JAM3: variants seen among roughly 807,000 people sequenced by gnomAD.
JAM3 encodes junctional adhesion molecule 3.
In JAM3, 31 loss-of-function variants were observed where a neutral mutation model predicts 39.4. That is an observed-to-expected ratio of 0.79 (90% CI 0.59 to 1.06). JAM3 has a LOEUF of 1.06. JAM3 is among the 50% of genes least tolerant of loss of function. The pLI, the probability that JAM3 is intolerant of heterozygous loss-of-function variation, is 0.00. For synonymous variants in JAM3, 182 were observed against 148.7 expected (o/e 1.22, Z -1.63); for missense variants, 455 against 391.4 (o/e 1.16, Z -1.37).
At chr11:134,127,509 G>T (rs1453527727) in intron 1 of JAM3, among the ~76,000 whole-genome samples, 1 of 152,098 alleles carries the variant, frequency 6.6e-6, no homozygotes, top group Non-Finnish European at 1.5e-5. Context: ...GACCAGCCTG[G>T]CCAACATGGT....
chr11:134,092,246 G>T (rs564428141), intron 1 of JAM3, among the ~76,000 whole-genome samples: 2 of 152,224 alleles, frequency 1.3e-5, no homozygotes, highest in South Asian at 2.1e-4. Flanking sequence ...TGTGTGATGC[G>T]CTCTGCAGCC....
chr11:134,114,252 G>T (rs186613790), intron 1 of JAM3, among the ~76,000 whole-genome samples: 45 of 152,314 alleles, frequency 3.0e-4, no homozygotes, highest in Admixed American at 2.6e-3. Flanking sequence ...TGATGTTTTA[G>T]ACATGAAGTC....
chr11:134,149,721 T>C lies in JAM3; in HGVS notation c.*540T>C, dbSNP rs776597771. On this transcript the variant is annotated 3_prime_UTR_variant, in exon 9 of 9. Coordinates refer to ENST00000299106, the MANE Select transcript of JAM3 (RefSeq NM_032801.5). ...TGCTGATCGGTGTTGCAGTGTCCAT[T>C]GTGGAGAAGCTTTTTGGATCAGCAT... 2.2e-6 allele frequency: 1 copy of C among 450,264 alleles called. No homozygotes were observed. Among genetic ancestry groups the C allele is most frequent in the Non-Finnish European group, 4.4e-6 (1 of 224,940 alleles). 27.9% of individuals were successfully genotyped at this position (450,264 alleles called of 1,614,324 possible).
intron 1 of JAM3, among the ~76,000 whole-genome samples, chr11:134,124,969 T>A (rs567526638): frequency 9.1e-4 from 138 of 152,260 alleles, no homozygotes; most frequent in African/African-American, 3.0e-3. Flanking sequence ...TCTCCTCAGT[T>A]ACCTCTGCGG....
intron 1 of JAM3, among the ~76,000 whole-genome samples, chr11:134,127,121 G>T (rs1942663754): frequency 2.0e-5 from 3 of 152,174 alleles, no homozygotes; most frequent in Non-Finnish European, 4.4e-5. Flanking sequence ...AAGAAGAATT[G>T]TAGGCATCAG....
chr11:134,148,890 ACGGGTCT>A, intron 8 of JAM3, 72 bp downstream of exon 8: 1 of 1,492,714 alleles, frequency 6.7e-7, no homozygotes, highest in South Asian at 1.1e-5. Context: ...TGGAAACCAC[ACGGGTCT>A]CCTGGGAAGA....
chr11:134,147,022 C>G (rs1026450639), intron 6 of JAM3, among the ~76,000 whole-genome samples: 1 of 152,320 alleles, frequency 6.6e-6, no homozygotes, highest in Non-Finnish European at 1.5e-5. Flanking sequence ...GTGTGTGAGA[C>G]AAGCGTTCCG....
intron 1 of JAM3, among the ~76,000 whole-genome samples, chr11:134,094,602 T>C (rs575182164): frequency 6.6e-6 from 1 of 151,576 alleles, no homozygotes; most frequent in South Asian, 2.1e-4. Flanking sequence ...ACATGTCACT[T>C]CCTGAGGGAA....
Position 134,149,284 on chromosome 11 carries a change from C to A in JAM3, c.*103C>A. The A allele has an allele frequency of 1.4e-6, 2 of 1,389,822 alleles. No individual in the cohort carries two copies. Among genetic ancestry groups the A allele is most frequent in the Non-Finnish European group, 2.0e-6 (2 of 988,312 alleles). 86.1% of individuals were successfully genotyped at this position (1,389,822 alleles called of 1,614,324 possible). ...GCTGATGCACTCGGACAGAGCTAGACACTCATTCAGAAGCTTTTCGTTTTG... is the reference window on the plus strand; with the variant it reads ...GCTGATGCACTCGGACAGAGCTAGAAACTCATTCAGAAGCTTTTCGTTTTG... On this transcript the variant is annotated 3_prime_UTR_variant, in exon 9 of 9. Transcript: ENST00000299106.
At chr11:134,111,562 G>A (rs1194948410) in intron 1 of JAM3, among the ~76,000 whole-genome samples, 1 of 152,162 alleles carries the variant, frequency 6.6e-6, no homozygotes, top group African/African-American at 2.4e-5. Context: ...CGATGTTAGG[G>A]AAGGATCATT....
intron 1 of JAM3, among the ~76,000 whole-genome samples, chr11:134,102,509 A>C (rs1389646658): frequency 6.6e-6 from 1 of 152,240 alleles, no homozygotes; most frequent in African/African-American, 2.4e-5. Flanking sequence ...ACAAAGCTGG[A>C]CACAGAATGA....
At chr11:134,102,591 A>G (rs1477526184) in intron 1 of JAM3, among the ~76,000 whole-genome samples, 2 of 152,212 alleles carry the variant, frequency 1.3e-5, no homozygotes, top group Admixed American at 6.5e-5. Context: ...GTTCGAACCC[A>G]TCGCAAAGAA....
At chr11:134,105,595 A>G (rs1351416377) in intron 1 of JAM3, among the ~76,000 whole-genome samples, 1 of 152,210 alleles carries the variant, frequency 6.6e-6, no homozygotes, top group African/African-American at 2.4e-5. Flanking sequence ...TTGTATATTT[A>G]GAAAACCCCA....
chr11:134,133,483 C>G (rs1942806688), intron 1 of JAM3, among the ~76,000 whole-genome samples: 1 of 152,092 alleles, frequency 6.6e-6, no homozygotes, highest in Non-Finnish European at 1.5e-5. Flanking sequence ...TCCTAGTTTA[C>G]TGAGTGTTTT....
At position 134,150,839 on chromosome 11, in the gene JAM3, C is replaced by G. The variant is rs1298578277; in HGVS notation, c.*1658C>G. On this transcript the variant is annotated 3_prime_UTR_variant, in exon 9 of 9. Coordinates refer to ENST00000299106, the MANE Select transcript of JAM3 (RefSeq NM_032801.5). ...AAACCATGATGGAGTGGCGGCCAGTCCAGCCTTTTAAAGAACGTCAGGTGG... is the reference window on the plus strand; with the variant it reads ...AAACCATGATGGAGTGGCGGCCAGTGCAGCCTTTTAAAGAACGTCAGGTGG... The G allele has an allele frequency of 1.3e-5, 2 of 152,130 alleles. No homozygotes were observed. The highest frequency in any genetic ancestry group is 2.9e-5 in the Non-Finnish European group (2 of 68,024). 9.4% of individuals were successfully genotyped at this position (152,130 alleles called of 1,614,324 possible).
intron 1 of JAM3, chr11:134,070,131 T>C (rs1351938777): frequency 6.6e-6 from 3 of 456,214 alleles, no homozygotes; most frequent in South Asian, 4.6e-5. Flanking sequence ...TTTACTCCTT[T>C]CAGCAGCTCT....
chr11:134,123,295 G>A (rs1942571934), intron 1 of JAM3, among the ~76,000 whole-genome samples: 1 of 152,132 alleles, frequency 6.6e-6, no homozygotes, highest in Non-Finnish European at 1.5e-5. Flanking sequence ...GGCAACAAGG[G>A]CTTCTATTCC....
At chr11:134,107,535 T>A (rs1487665488) in intron 1 of JAM3, among the ~76,000 whole-genome samples, 2 of 151,974 alleles carry the variant, frequency 1.3e-5, no homozygotes, top group African/African-American at 4.8e-5. Flanking sequence ...AAAATAAAAA[T>A]GTGACATCAG....
intron 1 of JAM3, among the ~76,000 whole-genome samples, chr11:134,127,867 A>T (rs963334917): frequency 7.2e-5 from 11 of 152,186 alleles, no homozygotes; most frequent in Non-Finnish European, 1.6e-4. Flanking sequence ...GCTGGTCAGT[A>T]TTCAGGGGAC....
Sources: gnomAD v4.1 joint callset for allele counts (sites outside exome capture counted in the v4.1 genomes callset) on GRCh38, gnomAD v4.1.1 for gene constraint, MANE v1.5 for transcripts, NCBI Gene and HGNC (gene_info 2026-07-23, HGNC 2026-07-21) for gene names.